Variants in BCKDHB observed in about 807,000 individuals in gnomAD.
The protein encoded by BCKDHB is 2-oxoisovalerate dehydrogenase subunit beta, mitochondrial.
A neutral mutation model predicts 48.5 loss-of-function variants in BCKDHB; 41 were observed. That is an observed-to-expected ratio of 0.85 (90% CI 0.66 to 1.10). The LOEUF (loss-of-function observed/expected upper bound fraction) is 1.10, where lower values mean the gene tolerates loss of function less well. Ranked by LOEUF, BCKDHB falls within the 50% of genes least tolerant of loss-of-function variation. The pLI is 0.00. For synonymous variants in BCKDHB, 201 were observed against 174.8 expected (o/e 1.15, Z -1.18); for missense variants, 496 against 494.2 (o/e 1.00, Z -0.03).
intron 9 of BCKDHB, among the ~76,000 whole-genome samples, chr6:80,309,858 A>T (rs915690810): frequency 1.3e-5 from 2 of 152,070 alleles, no homozygotes; most frequent in Non-Finnish European, 2.9e-5. Flanking sequence ...CCTCCTGCCA[A>T]CCTCAGCCCT....
At chr6:80,164,609 A>G (rs187585125) in intron 3 of BCKDHB, among the ~76,000 whole-genome samples, 1 of 152,202 alleles carries the variant, frequency 6.6e-6, no homozygotes, top group African/African-American at 2.4e-5. Flanking sequence ...CTGTTAGGAA[A>G]GTGTCTGTAT....
the BCKDHB span, among the ~76,000 whole-genome samples, chr6:80,435,978 G>A: frequency 9.2e-5 from 14 of 152,054 alleles, no homozygotes; most frequent in African/African-American, 3.4e-4. Context: ...GGTTGACATT[G>A]TGAGAAAAAA....
At chr6:80,400,724 C>T in the BCKDHB span, among the ~76,000 whole-genome samples, 1,194 of 151,864 alleles carry the variant, frequency 7.9e-3, 7 homozygotes, top group Non-Finnish European at 0.012. Flanking sequence ...TACATATCCC[C>T]AAGGAATATA....
At chr6:80,201,129 T>C (rs1033465859) in intron 7 of BCKDHB, 98 bp downstream of exon 7, 4 of 1,009,640 alleles carry the variant, frequency 4.0e-6, no homozygotes, top group African/African-American at 1.6e-5. Flanking sequence ...ATGTTTTCTT[T>C]ATATCTCAGA....
rs1173389195 is a variant in BCKDHB, at chr6:80,168,870, C to T, written c.478-5C>T. 1 of 1,613,850 alleles carries T rather than the reference C, an allele frequency of 6.2e-7. No homozygotes were observed. Among genetic ancestry groups the T allele is most frequent in the Non-Finnish European group, 8.5e-7 (1 of 1,179,936 alleles). ...CCATGCCCCGTCTTTCTTTCTGACC[C>T]TCAGATTGTTAATGAAGCTGCCAAG... On this transcript the variant is annotated splice_region_variant and splice_polypyrimidine_tract_variant and intron_variant, in intron 4 of 9. Coordinates refer to ENST00000320393, the MANE Select transcript of BCKDHB (RefSeq NM_183050.4).
At chr6:80,403,722 C>G in the BCKDHB span, among the ~76,000 whole-genome samples, 2 of 151,964 alleles carry the variant, frequency 1.3e-5, no homozygotes, top group Middle Eastern at 3.4e-3. Flanking sequence ...ATTTCCCATA[C>G]ATAAACTTTA....
intron 3 of BCKDHB, among the ~76,000 whole-genome samples, chr6:80,142,579 A>C (rs1332374305): frequency 1.3e-5 from 2 of 152,000 alleles, no homozygotes; most frequent in Non-Finnish European, 2.9e-5. Context: ...AAAGTTGGGG[A>C]TTTTTACACA....
intron 8 of BCKDHB, among the ~76,000 whole-genome samples, chr6:80,250,175 C>T (rs1384987083): frequency 6.6e-6 from 1 of 152,144 alleles, no homozygotes; most frequent in African/African-American, 2.4e-5. Context: ...CACCACCTCA[C>T]AGCCAATATT....
chr6:80,192,864 G>C (rs895273630), intron 6 of BCKDHB, among the ~76,000 whole-genome samples: 3 of 150,928 alleles, frequency 2.0e-5, no homozygotes, highest in Admixed American at 2.0e-4. Flanking sequence ...TGTTGCCCAG[G>C]CTGGAGTGCA....
At chr6:80,426,484 G>A in the BCKDHB span, among the ~76,000 whole-genome samples, 1 of 152,032 alleles carries the variant, frequency 6.6e-6, no homozygotes, top group African/African-American at 2.4e-5. Flanking sequence ...TGTAAGCACT[G>A]CTTTAGCTGC....
Position 80,319,572 on chromosome 6 carries a change from C to T in BCKDHB, c.1039-24092C>T, listed in dbSNP as rs192546978. Among the ~76,000 whole-genome samples, 34 of 152,258 alleles carry T rather than the reference C, an allele frequency of 2.2e-4. No individual in the cohort carries two copies. In the East Asian group the frequency reaches 6.0e-3, roughly 27 times the overall value. On this transcript the variant is annotated intron_variant, in intron 9 of 9. Transcript: ENST00000320393. ...GAGTTGCCTCTAATGCCTAAGGAAA[C>T]GTGTAGCCCTCTGGTTGTACTGCAA...
At chr6:80,247,071 C>G (rs1168426425) in intron 8 of BCKDHB, among the ~76,000 whole-genome samples, 2 of 152,218 alleles carry the variant, frequency 1.3e-5, no homozygotes, top group Non-Finnish European at 2.9e-5. Flanking sequence ...TATAAGCTCT[C>G]AATTCTACAG....
chr6:80,427,380 C>T, the BCKDHB span, among the ~76,000 whole-genome samples: 66 of 152,038 alleles, frequency 4.3e-4, no homozygotes, highest in African/African-American at 1.5e-3. Flanking sequence ...TTCATTTTCC[C>T]CATTCCAACC....
chr6:80,333,368 A>G (rs1769419099), intron 9 of BCKDHB, among the ~76,000 whole-genome samples: 1 of 152,176 alleles, frequency 6.6e-6, no homozygotes, highest in Admixed American at 6.6e-5. Context: ...AGCTATTTTT[A>G]TTTATGATTA....
the BCKDHB span, among the ~76,000 whole-genome samples, chr6:80,445,497 A>T: frequency 6.6e-6 from 1 of 152,206 alleles, no homozygotes; most frequent in Non-Finnish European, 1.5e-5. Context: ...AGCCAGGAAG[A>T]ATGACTTACA....
the BCKDHB span, among the ~76,000 whole-genome samples, chr6:80,378,181 T>C: frequency 3.5e-4 from 54 of 152,282 alleles, no homozygotes; most frequent in African/African-American, 1.2e-3. Context: ...ATTGGGCTTC[T>C]AGTGTACTCA....
At chr6:80,396,145 T>A in the BCKDHB span, among the ~76,000 whole-genome samples, 2 of 152,054 alleles carry the variant, frequency 1.3e-5, no homozygotes, top group East Asian at 3.9e-4. Context: ...GGGTATTGAC[T>A]AGTGGAGCTG....
the BCKDHB span, among the ~76,000 whole-genome samples, chr6:80,360,813 C>A: frequency 5.3e-5 from 8 of 151,774 alleles, no homozygotes; most frequent in African/African-American, 1.9e-4. Context: ...CGAGACCAGC[C>A]TGGCCAATAT....
intron 5 of BCKDHB, among the ~76,000 whole-genome samples, chr6:80,170,995 T>C (rs1772885517): frequency 6.6e-6 from 1 of 152,134 alleles, no homozygotes; most frequent in Admixed American, 6.6e-5. Context: ...ATGAATGATC[T>C]TTGCATATTC....
Sources: allele counts gnomAD v4.1 joint callset (sites outside exome capture counted in the v4.1 genomes callset), GRCh38; gene constraint gnomAD v4.1.1; transcripts MANE v1.5; gene names NCBI Gene and HGNC (gene_info 2026-07-23, HGNC 2026-07-21).